Variants in ATXN2 observed in about 807,000 individuals in gnomAD.
ATXN2 encodes the protein ataxin-2.
Under a neutral mutation model 138.6 loss-of-function variants are expected in ATXN2, and 37 were observed. That is an observed-to-expected ratio of 0.27 (90% CI 0.21 to 0.35). The LOEUF is 0.35. Among genes scored for constraint, ATXN2 ranks in the 10% least tolerant of loss-of-function variants. The pLI, the probability that ATXN2 is intolerant of heterozygous loss-of-function variation, is 1.00. For synonymous variants in ATXN2, 549 were observed against 543.7 expected (o/e 1.01, Z -0.13); for missense variants, 1,216 against 1,480.3 (o/e 0.82, Z 2.93).
At position 111,461,514 on chromosome 12, in the gene ATXN2, A is replaced by T. The variant is rs147253120; in HGVS notation, c.2896+3148T>A. ...ATAAATAAATAAATAATAATAATAA[A>T]TTGGGAGAAATGTGAAACTTATACT... On this transcript the variant is annotated intron_variant, in intron 21 of 24. Transcript: ENST00000673436. Among the ~76,000 whole-genome samples the T allele has an allele frequency of 9.8e-3, 1,489 of 152,010 alleles. 6 individuals carry two copies. The highest frequency in any genetic ancestry group is 0.013 in the Non-Finnish European group (872 of 67,946).
chr12:111,562,227 A>T (rs1882731908), intron 1 of ATXN2, among the ~76,000 whole-genome samples: 1 of 152,032 alleles, frequency 6.6e-6, no homozygotes, highest in Non-Finnish European at 1.5e-5. Context: ...TAAGACCCGG[A>T]GTTCAAGACC....
At chr12:111,597,774 C>A (rs1335420588) in intron 1 of ATXN2, 1 of 1,051,734 alleles carries the variant, frequency 9.5e-7, no homozygotes, top group South Asian at 1.3e-5. Context: ...AACCCGACCA[C>A]GTCCCCTGCT....
chr12:111,494,662 G>A (rs747596637), intron 14 of ATXN2, among the ~76,000 whole-genome samples: 2 of 151,916 alleles, frequency 1.3e-5, no homozygotes, highest in Non-Finnish European at 2.9e-5. Flanking sequence ...CTGACCTCTT[G>A]ATCCACCCAC....
chr12:111,583,537 G>A (rs1173902923), intron 1 of ATXN2, among the ~76,000 whole-genome samples: 1 of 151,874 alleles, frequency 6.6e-6, no homozygotes, highest in Non-Finnish European at 1.5e-5. Context: ...AGGCCCAGGT[G>A]GGCGGACCAC....
intron 1 of ATXN2, among the ~76,000 whole-genome samples, chr12:111,569,802 TAA>T (rs1566070554): frequency 6.6e-6 from 1 of 152,010 alleles, no homozygotes; most frequent in Non-Finnish European, 1.5e-5. Context: ...GAGAAAGGGA[TAA>T]AAGGCTTGGT....
intron 5 of ATXN2, among the ~76,000 whole-genome samples, chr12:111,525,787 C>T (rs560944117): frequency 4.0e-5 from 6 of 151,268 alleles, no homozygotes; most frequent in South Asian, 2.1e-4. Flanking sequence ...CGGGTTCAAG[C>T]GATTCTCCTG....
At position 111,598,357 on chromosome 12, in the gene ATXN2, G is replaced by C; in HGVS notation, c.251+427C>G. ...TGGAGGGGGACATGTTCCGGAAAAC[G>C]CCACCACAGCCTCCAGACCCCTCCA... is the stretch of plus-strand genomic sequence containing the variant. On this transcript the variant is annotated intron_variant, in intron 1 of 24. Transcript: ENST00000673436. The surrounding 1 kb of genome is among the most constrained non-coding windows in gnomAD (Gnocchi z 4.5). 3.0e-6 allele frequency: 3 copies of C among 990,552 alleles called. No individual in the cohort carries two copies. Among genetic ancestry groups the C allele is most frequent in the Non-Finnish European group, 3.6e-6 (3 of 832,892 alleles). 61.4% of individuals were successfully genotyped at this position (990,552 alleles called of 1,614,324 possible).
rs192074945 is a variant in ATXN2, at chr12:111,472,749, T to C, written c.2525-2007A>G. On this transcript the variant is annotated intron_variant, in intron 18 of 24. Coordinates refer to ENST00000673436, the MANE Select transcript of ATXN2 (RefSeq NM_001372574.1). ...CCCAGCTAATACTTTTTTTAAAATA[T>C]TTTTAGTAGAGACGGGGTTTCACCA... Among the ~76,000 whole-genome samples, 1,392 of 152,078 alleles carry C rather than the reference T, an allele frequency of 9.2e-3. 5 individuals are homozygous for C. The highest frequency in any genetic ancestry group is 0.014 in the Non-Finnish European group (970 of 67,988).
intron 20 of ATXN2, 107 bp downstream of exon 20, chr12:111,470,001 C>T (rs989990442): frequency 1.5e-6 from 2 of 1,296,996 alleles, no homozygotes; most frequent in African/African-American, 1.5e-5. Context: ...GATTCTTGAC[C>T]CTCAATGTCA....
chr12:111,555,896 A>T lies in ATXN2; in HGVS notation c.275T>A (p.Leu92Gln). The T allele has an allele frequency of 6.2e-7, 1 of 1,604,282 alleles. No individual in the cohort carries two copies. Among genetic ancestry groups the T allele is most frequent in the Non-Finnish European group, 8.5e-7 (1 of 1,176,018 alleles). The stretch of plus-strand genomic sequence containing the variant: ...AAAGTTACTCACCGTAGACTGAGGC[A>T]GTCCTTTGTTACTGTTTCGACCTCT... ...LGRGRNSNKG[L>Q]PQSTISFDGI... Residue 92 changes from leucine (L) to glutamine (Q), a missense_variant, in exon 2 of 25, where the codon CTG becomes CAG. Around this residue, in one of 4 missense-constraint regions of ATXN2, gnomAD observed 401 missense variants for 528.1 expected, o/e 0.76. Coordinates refer to ENST00000673436, the MANE Select transcript of ATXN2 (RefSeq NM_001372574.1).
intron 1 of ATXN2, among the ~76,000 whole-genome samples, chr12:111,569,011 GTTT>G (rs1883174475): frequency 6.6e-6 from 1 of 151,844 alleles, no homozygotes; most frequent in African/African-American, 2.4e-5. Context: ...GTTTTGTTTT[GTTT>G]TGTTTTTAGG....
chr12:111,485,466 T>G, intron 17 of ATXN2, 135 bp from the exon 18 acceptor site: 1 of 989,402 alleles, frequency 1.0e-6, no homozygotes, highest in South Asian at 1.7e-5. Context: ...ATTAAAAAAT[T>G]AGATCATACC....
chr12:111,476,275 A>G (rs1876809789), intron 18 of ATXN2, among the ~76,000 whole-genome samples: 1 of 152,210 alleles, frequency 6.6e-6, no homozygotes. Context: ...TTAGTAGATG[A>G]TAAGTATTTG....
rs563505576 is a variant in ATXN2, at chr12:111,504,177, G to A, written c.1935+5372C>T. Among the ~76,000 whole-genome samples, 6 of 152,348 alleles carry A rather than the reference G, an allele frequency of 3.9e-5. No homozygotes were observed. The East Asian group carries it at 7.7e-4, about 20-fold the overall frequency. On this transcript the variant is annotated intron_variant, in intron 14 of 24. Coordinates refer to ENST00000673436, the MANE Select transcript of ATXN2 (RefSeq NM_001372574.1). ...ACTCTAATCAAGACAGTATGGTACT[G>A]CCATAAGGATAAGACATAGAGATTC... is the stretch of plus-strand genomic sequence containing the variant.
chr12:111,481,171 G>C (rs181408116), intron 18 of ATXN2, among the ~76,000 whole-genome samples: 2 of 152,058 alleles, frequency 1.3e-5, no homozygotes, highest in African/African-American at 4.8e-5. Flanking sequence ...TGGGCCGAGC[G>C]CGGTGGTGCA....
At chr12:111,464,335 TTGTGTG>T (rs375641693) in intron 21 of ATXN2, among the ~76,000 whole-genome samples, 1,186 of 105,822 alleles carry the variant, frequency 0.011, 6 homozygotes, top group Non-Finnish European at 0.016. Context: ...GTGTGTGTGT[TTGTGTG>T]TGTGTGTGTG....
chr12:111,577,009 G>A (rs1019445371), intron 1 of ATXN2, among the ~76,000 whole-genome samples: 2 of 151,612 alleles, frequency 1.3e-5, no homozygotes, highest in Admixed American at 6.6e-5. Flanking sequence ...GTTTCACCAC[G>A]TTGGCCACGC....
At chr12:111,547,182 A>C (rs1881840627) in intron 5 of ATXN2, among the ~76,000 whole-genome samples, 1 of 152,200 alleles carries the variant, frequency 6.6e-6, no homozygotes, top group Non-Finnish European at 1.5e-5. Context: ...TAATCCTAGC[A>C]CTTTGGGAGG....
At chr12:111,575,195 A>C (rs192106271) in intron 1 of ATXN2, among the ~76,000 whole-genome samples, 1 of 151,900 alleles carries the variant, frequency 6.6e-6, no homozygotes, top group Non-Finnish European at 1.5e-5. Flanking sequence ...AAAAAGAACA[A>C]GACCCTTAGC....
Sources: allele counts gnomAD v4.1 joint callset (sites outside exome capture counted in the v4.1 genomes callset), GRCh38; gene constraint gnomAD v4.1.1; regional missense constraint gnomAD v4.1.1; non-coding constraint Gnocchi (gnomAD v3.1); transcripts MANE v1.5; gene names NCBI Gene and HGNC (gene_info 2026-07-23, HGNC 2026-07-21).